Variants in RAI1 observed in about 807,000 individuals in gnomAD.
The protein encoded by RAI1 is retinoic acid induced 1.
A neutral mutation model predicts 123.8 loss-of-function variants in RAI1; 9 were observed. That is an observed-to-expected ratio of 0.07 (90% CI 0.04 to 0.13). RAI1 has a LOEUF of 0.13. Among genes scored for constraint, RAI1 ranks in the 10% least tolerant of loss-of-function variants. RAI1 has a pLI of 1.00. For synonymous variants in RAI1, 1,231 were observed against 1,127.3 expected, an observed-to-expected ratio of 1.09 and a Z score of -1.84; for missense variants, 2,256 against 2,545.8, an observed-to-expected ratio of 0.89 and a Z score of 2.45.
At chr17:17,703,070 G>T (rs1292404365) in intron 1 of RAI1, among the ~76,000 whole-genome samples, 2 of 152,182 alleles carry the variant, frequency 1.3e-5, no homozygotes, top group Non-Finnish European at 2.9e-5. Flanking sequence ...TGGATGATTG[G>T]GGCAGTAAGC....
chr17:17,807,043 G>T (rs1398904529), intron 4 of RAI1, among the ~76,000 whole-genome samples: 1 of 152,138 alleles, frequency 6.6e-6, no homozygotes. Context: ...GCAGGCGAGG[G>T]CTCATCAGAG....
At chr17:17,701,477 T>C (rs1229488909) in intron 1 of RAI1, among the ~76,000 whole-genome samples, 1 of 152,156 alleles carries the variant, frequency 6.6e-6, no homozygotes, top group Non-Finnish European at 1.5e-5. Context: ...CTTCTCTCAC[T>C]CTTCTCTTTT....
At chr17:17,707,617 G>A (rs1001507597) in intron 1 of RAI1, among the ~76,000 whole-genome samples, 1 of 152,034 alleles carries the variant, frequency 6.6e-6, no homozygotes, top group Non-Finnish European at 1.5e-5. Flanking sequence ...ATTTGAGACA[G>A]GGTCTCACTC....
At chr17:17,713,681 G>A (rs776308815) in intron 1 of RAI1, among the ~76,000 whole-genome samples, 3 of 152,086 alleles carry the variant, frequency 2.0e-5, no homozygotes, top group African/African-American at 7.2e-5. Flanking sequence ...AAGATTGTAA[G>A]GAAATATTCA....
At chr17:17,717,831 G>A (rs575856114) in intron 1 of RAI1, among the ~76,000 whole-genome samples, 29 of 152,302 alleles carry the variant, frequency 1.9e-4, no homozygotes, top group African/African-American at 6.5e-4. Flanking sequence ...GCCTGCAGGC[G>A]GGGGCCGTCT....
chr17:17,792,958 T>G lies in RAI1; in HGVS notation c.10T>G (p.Phe4Val). The change falls in exon 3 of 6, where the codon TTT becomes GTT. Residue 4 changes from phenylalanine to valine, a missense_variant. Around this residue, in one of 7 missense-constraint regions of RAI1, gnomAD observed 336 missense variants for 349.8 expected, o/e 0.96. Transcript: ENST00000353383. The part of the protein sequence containing the change: MQS[F>V]RERCGFHGKQ... Reference sequence around the variant, plus strand: ...ATAACCAGCCCGAGTCATGCAGTCTTTTCGAGAAAGGTGTGGTTTCCATGG... The same window carrying G: ...ATAACCAGCCCGAGTCATGCAGTCTGTTCGAGAAAGGTGTGGTTTCCATGG... The G allele has an allele frequency of 1.3e-6, 2 of 1,540,492 alleles. No homozygotes were observed. The highest frequency in any genetic ancestry group is 1.8e-6 in the Non-Finnish European group (2 of 1,133,256).
At chr17:17,804,904 C>T (rs1033237328) in intron 4 of RAI1, among the ~76,000 whole-genome samples, 80 of 152,070 alleles carry the variant, frequency 5.3e-4, no homozygotes, top group African/African-American at 1.9e-3. Context: ...CACTCTGTCA[C>T]CAGGCTGGAG....
At chr17:17,764,290 G>A (rs2030825500) in intron 2 of RAI1, among the ~76,000 whole-genome samples, 1 of 152,156 alleles carries the variant, frequency 6.6e-6, no homozygotes, top group African/African-American at 2.4e-5. Context: ...TAGGTGGACA[G>A]CTGATGAATT....
intron 1 of RAI1, among the ~76,000 whole-genome samples, chr17:17,683,077 C>A (rs1286264461): frequency 1.3e-5 from 2 of 152,228 alleles, no homozygotes; most frequent in East Asian, 3.8e-4. Context: ...TCCCCCGCCC[C>A]CCTTTTATGT....
chr17:17,747,037 T>A (rs1047280075), intron 2 of RAI1, among the ~76,000 whole-genome samples: 11 of 152,200 alleles, frequency 7.2e-5, no homozygotes, highest in Non-Finnish European at 1.6e-4. Context: ...ACATAATGAT[T>A]AATTCATCGC....
intron 1 of RAI1, among the ~76,000 whole-genome samples, chr17:17,688,890 G>A (rs966811134): frequency 8.6e-5 from 13 of 151,240 alleles, no homozygotes; most frequent in Admixed American, 8.6e-4. Context: ...GAGTCACTGC[G>A]CCCAGCCTTG....
chr17:17,750,689 C>CAAAA (rs57637022), intron 2 of RAI1, among the ~76,000 whole-genome samples: 837 of 78,592 alleles, frequency 0.011, 1 homozygote, highest in Middle Eastern at 0.022. Flanking sequence ...TACTCCGTCT[C>CAAAA]AAAAAAAAAA....
intron 4 of RAI1, chr17:17,804,069 G>C: frequency 1.5e-6 from 1 of 661,834 alleles, no homozygotes; most frequent in South Asian, 1.6e-5. Context: ...TGCTTGAGGA[G>C]TGCCCAGAGC....
At chr17:17,698,741 C>T (rs1915116793) in intron 1 of RAI1, among the ~76,000 whole-genome samples, 1 of 152,164 alleles carries the variant, frequency 6.6e-6, no homozygotes, top group South Asian at 2.1e-4. Flanking sequence ...GGAAAGCTCA[C>T]CCCAGGCACT....
In RAI1 at chr17:17,793,392, G is replaced by A. The variant is rs1365036886; in HGVS notation, c.444G>A (p.Lys148=). The A allele has an allele frequency of 1.2e-6, 2 of 1,613,470 alleles. No homozygotes were observed. Among genetic ancestry groups the A allele is most frequent in the Non-Finnish European group, 1.7e-6 (2 of 1,179,962 alleles). Residue 148 remains lysine, a synonymous_variant, in exon 3 of 6, where the codon AAG becomes AAA. Transcript: ENST00000353383. ...AGTATGATGAGAACTTGATGAAAAA[G>A]ACAGCAGTGCCCCCCAGCAGGCAGT... The part of the protein sequence containing the change: ...VAKYDENLMK[K]TAVPPSRQYA...
At chr17:17,762,967 C>G (rs549883484) in intron 2 of RAI1, among the ~76,000 whole-genome samples, 2 of 151,966 alleles carry the variant, frequency 1.3e-5, no homozygotes, top group Non-Finnish European at 2.9e-5. Flanking sequence ...GGTGGTTCCC[C>G]GCTGGCATTT....
chr17:17,689,865 G>C (rs1025972663), intron 1 of RAI1, among the ~76,000 whole-genome samples: 1 of 152,150 alleles, frequency 6.6e-6, no homozygotes, highest in African/African-American at 2.4e-5. Flanking sequence ...TCATGGACCA[G>C]CTTGGTGCTG....
At chr17:17,683,547 C>T (rs931012494) in intron 1 of RAI1, 1 of 152,250 alleles carries the variant, frequency 6.6e-6, no homozygotes, top group Non-Finnish European at 1.5e-5. Flanking sequence ...TCTTGACAGG[C>T]AAGCCGGTAT....
chr17:17,785,880 A>C (rs2031810077), intron 2 of RAI1, among the ~76,000 whole-genome samples: 1 of 152,208 alleles, frequency 6.6e-6, no homozygotes, highest in Admixed American at 6.5e-5. Flanking sequence ...TTCTGTCAGC[A>C]TTTGACCCCA....
Sources: allele counts gnomAD v4.1 joint callset (sites outside exome capture counted in the v4.1 genomes callset), GRCh38; gene constraint gnomAD v4.1.1; regional missense constraint gnomAD v4.1.1; transcripts MANE v1.5; gene names NCBI Gene and HGNC (gene_info 2026-07-23, HGNC 2026-07-21).